PSMA2: variants seen among roughly 807,000 people sequenced by gnomAD.
PSMA2 encodes proteasome subunit alpha type-2.
In PSMA2, 2 loss-of-function variants were observed where a neutral mutation model predicts 35.9. That is an observed-to-expected ratio of 0.06 (90% CI 0.02 to 0.18). PSMA2 has a LOEUF of 0.18. PSMA2 is among the 10% of genes least tolerant of loss of function. PSMA2 has a pLI of 1.00. For synonymous variants in PSMA2, 97 were observed against 98.2 expected (o/e 0.99, Z 0.07); for missense variants, 126 against 278.8 (o/e 0.45, Z 3.90).
At chr7:42,927,495 T>C (rs200151613) in intron 1 of PSMA2, 36 bp from the exon 2 acceptor site, 47 of 1,560,164 alleles carry the variant, frequency 3.0e-5, no homozygotes, top group Non-Finnish European at 3.4e-5. Context: ...AGTTCACATA[T>C]CATCAAATAT....
intron 4 of PSMA2, among the ~76,000 whole-genome samples, chr7:42,923,608 T>TA (rs1036414126): frequency 2.0e-5 from 3 of 151,794 alleles, no homozygotes; most frequent in South Asian, 2.1e-4. Context: ...GGTAGCCAAA[T>TA]AAAAAAAAAT....
chr7:42,924,012 T>C (rs898440409), intron 4 of PSMA2, among the ~76,000 whole-genome samples: 35 of 152,082 alleles, frequency 2.3e-4, no homozygotes, highest in African/African-American at 8.5e-4. Flanking sequence ...TATGAATACG[T>C]CCAAGAGCTG....
At chr7:42,926,804 T>A in intron 2 of PSMA2, 136 bp from the exon 3 acceptor site, 4 of 1,013,240 alleles carry the variant, frequency 3.9e-6, no homozygotes, top group Non-Finnish European at 5.4e-6. Flanking sequence ...GGAGTCCTAT[T>A]ACCAAAATTA....
chr7:42,929,876 T>C (rs988497411), intron 1 of PSMA2, among the ~76,000 whole-genome samples: 1 of 152,174 alleles, frequency 6.6e-6, no homozygotes, highest in African/African-American at 2.4e-5. Flanking sequence ...TCTACAAGTC[T>C]CCTTATTCCT....
At chr7:42,921,990 C>A in intron 5 of PSMA2, 59 bp from the exon 6 acceptor site, 1 of 1,291,916 alleles carries the variant, frequency 7.7e-7, no homozygotes, top group Non-Finnish European at 1.1e-6. Flanking sequence ...AATTATATTG[C>A]CCTGCCATTT....
intron 1 of PSMA2, chr7:42,931,136 G>A (rs1374822761): frequency 6.6e-6 from 3 of 452,910 alleles, no homozygotes; most frequent in South Asian, 1.6e-5. Context: ...ACAAGCTGCG[G>A]TTAGTTCATC....
chr7:42,919,032 C>G, intron 6 of PSMA2: 1 of 262,776 alleles, frequency 3.8e-6, no homozygotes, highest in South Asian at 4.6e-5. Context: ...CCATGTTGGC[C>G]CAGCTGGTCT....
At chr7:42,931,370 T>C (rs1786307830) in intron 1 of PSMA2, among the ~76,000 whole-genome samples, 1 of 152,192 alleles carries the variant, frequency 6.6e-6, no homozygotes, top group Non-Finnish European at 1.5e-5. Flanking sequence ...TTTTCTCACG[T>C]TGAGAGCCAT....
At position 42,919,523 on chromosome 7, in the gene PSMA2, T is replaced by C. The variant is rs143170398; in HGVS notation, c.531-1688A>G. On this transcript the variant is annotated intron_variant, in intron 6 of 7. Coordinates refer to ENST00000223321, the MANE Select transcript of PSMA2 (RefSeq NM_002787.5). Reference sequence around the variant, plus strand: ...ACAGTGAGGATAAACAGATTCTTTCTTCTGATGACAAAACTGTTAAGACTT... The same window carrying C: ...ACAGTGAGGATAAACAGATTCTTTCCTCTGATGACAAAACTGTTAAGACTT... 250 of 511,778 alleles carry C rather than the reference T, an allele frequency of 4.9e-4. 3 individuals are homozygous for C. The highest frequency in any genetic ancestry group is 4.6e-3 in the African/African-American group (238 of 51,262). 31.7% of individuals were successfully genotyped at this position (511,778 alleles called of 1,614,324 possible). A position where few individuals can be genotyped will look rare whatever the true frequency, so the allele number is the denominator to read the frequency against.
chr7:42,929,802 T>G (rs1786268570), intron 1 of PSMA2, among the ~76,000 whole-genome samples: 1 of 152,198 alleles, frequency 6.6e-6, no homozygotes, highest in African/African-American at 2.4e-5. Flanking sequence ...TGCCTCATTT[T>G]TATTCCTTTA....
intron 1 of PSMA2, among the ~76,000 whole-genome samples, chr7:42,929,585 G>A (rs911842257): frequency 1.3e-5 from 2 of 152,050 alleles, no homozygotes; most frequent in African/African-American, 4.8e-5. Context: ...CCCTACATGG[G>A]ATAACTGAAA....
intron 1 of PSMA2, among the ~76,000 whole-genome samples, chr7:42,929,803 T>C (rs1029244494): frequency 6.6e-6 from 1 of 152,214 alleles, no homozygotes; most frequent in African/African-American, 2.4e-5. Flanking sequence ...GCCTCATTTT[T>C]ATTCCTTTAA....
intron 6 of PSMA2, chr7:42,919,848 C>G (rs756745928): frequency 1.3e-6 from 1 of 745,788 alleles, no homozygotes; most frequent in Non-Finnish European, 2.5e-6. Flanking sequence ...TGGTCCTATT[C>G]ACTGTGTGAG....
At chr7:42,930,770 G>A (rs1786292451) in intron 1 of PSMA2, among the ~76,000 whole-genome samples, 1 of 151,724 alleles carries the variant, frequency 6.6e-6, no homozygotes, top group Non-Finnish European at 1.5e-5. Flanking sequence ...AGAGACTGAG[G>A]CAGGAGGATC....
intron 6 of PSMA2, chr7:42,919,820 A>ATCCTACAATTAGTG: frequency 1.4e-6 from 1 of 711,428 alleles, no homozygotes; most frequent in Non-Finnish European, 2.6e-6. Context: ...AAGAATTAGA[A>ATCCTACAATTAGTG]TCCTACAAAG....
chr7:42,926,116 A>G (rs1183788378), intron 3 of PSMA2, among the ~76,000 whole-genome samples: 2 of 152,260 alleles, frequency 1.3e-5, no homozygotes, highest in African/African-American at 4.8e-5. Context: ...AAGAACAGGA[A>G]AAAAGATAAC....
chr7:42,919,684 T>C (rs552068313), intron 6 of PSMA2: 23 of 556,056 alleles, frequency 4.1e-5, no homozygotes, highest in South Asian at 3.4e-4. Flanking sequence ...TACAGTAAGT[T>C]TGGAACCAAT....
At chr7:42,928,088 G>C (rs1370571152) in intron 1 of PSMA2, among the ~76,000 whole-genome samples, 1 of 152,120 alleles carries the variant, frequency 6.6e-6, no homozygotes, top group Non-Finnish European at 1.5e-5. Flanking sequence ...GTAAAATGAG[G>C]ACACAGTAAC....
intron 1 of PSMA2, among the ~76,000 whole-genome samples, chr7:42,929,324 C>G (rs1294182434): frequency 6.6e-6 from 1 of 152,138 alleles, no homozygotes; most frequent in East Asian, 1.9e-4. Flanking sequence ...TTTCAATAAT[C>G]ATATCATAAC....
Sources: allele counts gnomAD v4.1 joint callset (sites outside exome capture counted in the v4.1 genomes callset), GRCh38; gene constraint gnomAD v4.1.1; transcripts MANE v1.5; gene names NCBI Gene and HGNC (gene_info 2026-07-23, HGNC 2026-07-21).